UNC13C: variants seen among roughly 807,000 people sequenced by gnomAD.
UNC13C encodes the protein protein unc-13 homolog C.
In UNC13C, 174 loss-of-function variants were observed where a neutral mutation model predicts 245.4. The ratio of observed to expected loss-of-function variants is 0.71; its 90% CI spans 0.63 to 0.80. UNC13C has a LOEUF of 0.80. UNC13C is among the 30% of genes least tolerant of loss of function. UNC13C has a pLI of 0.00. For missense variants in UNC13C, 2,829 were observed against 2,602.9 expected (o/e 1.09, Z -1.89); for synonymous variants, 992 against 895.1 (o/e 1.11, Z -1.93).
intron 1 of UNC13C, among the ~76,000 whole-genome samples, chr15:53,988,000 G>A (rs574187128): frequency 6.6e-6 from 1 of 152,086 alleles, no homozygotes; most frequent in African/African-American, 2.4e-5. Flanking sequence ...TGAGTTTAAT[G>A]TGTGGTTACC....
intron 4 of UNC13C, among the ~76,000 whole-genome samples, chr15:54,180,756 AT>A (rs149099422): frequency 4.6e-5 from 7 of 151,122 alleles, no homozygotes; most frequent in South Asian, 2.1e-4. Context: ...GTGATGATGA[AT>A]TTTTTTTCAT....
chr15:54,537,135 G>A (rs941757705), intron 26 of UNC13C, among the ~76,000 whole-genome samples: 3 of 152,000 alleles, frequency 2.0e-5, no homozygotes, highest in Admixed American at 2.0e-4. Context: ...AAAGTTTCAG[G>A]ATACAAAATT....
the UNC13C span, among the ~76,000 whole-genome samples, chr15:53,885,045 C>T: frequency 6.6e-6 from 1 of 152,204 alleles, no homozygotes; most frequent in African/African-American, 2.4e-5. Flanking sequence ...AACTTTATCA[C>T]ACAAAGAGTG....
intron 2 of UNC13C, among the ~76,000 whole-genome samples, chr15:54,029,693 A>G (rs897867381): frequency 1.3e-5 from 2 of 152,346 alleles, no homozygotes; most frequent in Admixed American, 1.3e-4. Context: ...TATGCAGCCA[A>G]ACTGACAGAG....
At chr15:54,596,914 G>A (rs1899116422) in intron 30 of UNC13C, among the ~76,000 whole-genome samples, 1 of 152,182 alleles carries the variant, frequency 6.6e-6, no homozygotes, top group Non-Finnish European at 1.5e-5. Flanking sequence ...CTGCAGAACT[G>A]TGAGCCAAAT....
intron 4 of UNC13C, among the ~76,000 whole-genome samples, chr15:54,172,707 T>G (rs377193813): frequency 0.55 from 22,118 of 40,070 alleles, 3,646 homozygotes; most frequent in East Asian, 0.59. Flanking sequence ...CACACAGATA[T>G]ATATATATAT....
the UNC13C span, among the ~76,000 whole-genome samples, chr15:53,843,084 G>A: frequency 2.0e-5 from 3 of 151,888 alleles, no homozygotes; most frequent in Non-Finnish European, 4.4e-5. Context: ...TTTCTCATTC[G>A]AATATTTCTT....
At chr15:54,329,524 GA>G (rs1357680100) in intron 14 of UNC13C, among the ~76,000 whole-genome samples, 1 of 152,002 alleles carries the variant, frequency 6.6e-6, no homozygotes, top group Non-Finnish European at 1.5e-5. Flanking sequence ...GTCCCTTGGG[GA>G]AACATTTTTT....
At position 54,396,257 on chromosome 15, in the gene UNC13C, T is replaced by C. The variant is rs538068839; in HGVS notation, c.4847+3076T>C. On this transcript the variant is annotated intron_variant, in intron 18 of 32. Transcript: ENST00000260323. ...TCATCCACTTTTGTAATTCATCCAC[T>C]CCTCCACCATCCCCAGGCAATGCCC... is the stretch of plus-strand genomic sequence containing the variant. Among the ~76,000 whole-genome samples the C allele has an allele frequency of 7.4e-3, 1,123 of 151,774 alleles. 11 individuals are homozygous for C. Among genetic ancestry groups the C allele is most frequent in the Non-Finnish European group, 0.013 (888 of 67,654 alleles).
At chr15:54,442,828 C>T (rs779797342) in intron 19 of UNC13C, among the ~76,000 whole-genome samples, 19 of 151,908 alleles carry the variant, frequency 1.3e-4, no homozygotes, top group Middle Eastern at 3.4e-3. Context: ...GGTATTTTGT[C>T]GAGGACTTTT....
chr15:54,481,790 C>A (rs1411539015), intron 19 of UNC13C, among the ~76,000 whole-genome samples: 1 of 152,044 alleles, frequency 6.6e-6, no homozygotes, highest in Non-Finnish European at 1.5e-5. Context: ...GTCCTCATGT[C>A]TCCTGATGGT....
chr15:54,219,462 A>G (rs558780315), intron 4 of UNC13C, among the ~76,000 whole-genome samples: 1 of 152,160 alleles, frequency 6.6e-6, no homozygotes, highest in East Asian at 1.9e-4. Flanking sequence ...GATGGATTAA[A>G]GACTTAAATG....
At chr15:54,556,589 T>C (rs888789350) in intron 29 of UNC13C, among the ~76,000 whole-genome samples, 11 of 151,868 alleles carry the variant, frequency 7.2e-5, no homozygotes, top group African/African-American at 2.2e-4. Context: ...TATGGAAAAT[T>C]TGCAAAATAA....
At chr15:54,474,022 T>C (rs2414316) in intron 19 of UNC13C, among the ~76,000 whole-genome samples, 5 of 151,374 alleles carry the variant, frequency 3.3e-5, no homozygotes, top group Admixed American at 2.0e-4. Context: ...ATTATTTTTA[T>C]GGCCAAATAA....
In UNC13C at chr15:54,532,998, T is replaced by G. The variant is rs1895827963; in HGVS notation, c.5628T>G (p.Ser1876=). 1 of 1,600,790 alleles carries G rather than the reference T, an allele frequency of 6.2e-7. No homozygotes were observed. ...NQMRANGNTT[S]NKNSAAMDAE... is the part of the protein sequence containing the mutation. ...TGAGAGCAAATGGAAACACCACATC[T>G]AATAAGAACAGTGCAGCAATGGATG... is the stretch of plus-strand genomic sequence containing the variant. The change falls in exon 26 of 33, where the codon TCT becomes TCG. Residue 1876 remains serine (S), a synonymous_variant. Coordinates refer to ENST00000260323, the MANE Select transcript of UNC13C (RefSeq NM_001080534.3).
At chr15:53,946,984 G>A in the UNC13C span, among the ~76,000 whole-genome samples, 20 of 152,150 alleles carry the variant, frequency 1.3e-4, no homozygotes, top group South Asian at 6.2e-4. Flanking sequence ...AGAGTCTAGC[G>A]GGTTCTAATA....
chr15:54,592,872 T>TG (rs1898873585), intron 30 of UNC13C, among the ~76,000 whole-genome samples: 1 of 151,910 alleles, frequency 6.6e-6, no homozygotes, highest in Admixed American at 6.6e-5. Flanking sequence ...TGTTTTTTTT[T>TG]TTTTTTTACT....
chr15:54,126,739 C>T (rs1041773373), intron 2 of UNC13C, among the ~76,000 whole-genome samples: 3 of 152,052 alleles, frequency 2.0e-5, no homozygotes, highest in African/African-American at 4.8e-5. Context: ...AGCTTCTGCA[C>T]AGAAAAAGAA....
At position 54,554,734 on chromosome 15, in the gene UNC13C, T is replaced by A. The variant is rs183270093; in HGVS notation, c.5878-698T>A. On this transcript the variant is annotated intron_variant, in intron 28 of 32. Coordinates refer to ENST00000260323, the MANE Select transcript of UNC13C (RefSeq NM_001080534.3). ...TCAGTTTTGGGGGATCAGACATTTT[T>A]AAATTTTTCCCTTAGTTTTTATTTC... 1.2e-4 allele frequency among the ~76,000 whole-genome samples: 18 copies of A among 152,214 alleles called. No individual in the cohort carries two copies. The East Asian group carries it at 2.3e-3, about 20-fold the overall frequency.
Sources: gnomAD v4.1 joint callset for allele counts (sites outside exome capture counted in the v4.1 genomes callset) on GRCh38, gnomAD v4.1.1 for gene constraint, MANE v1.5 for transcripts, NCBI Gene and HGNC (gene_info 2026-07-23, HGNC 2026-07-21) for gene names.